The following ELL variants were observed in gnomAD, a reference collection of about 807,000 sequenced individuals.
ELL encodes the protein RNA polymerase II elongation factor ELL.
ELL carries 18 observed loss-of-function variants against 64.0 expected under a neutral mutation model. The ratio of observed to expected loss-of-function variants is 0.28; its 90% CI spans 0.19 to 0.42. The LOEUF is 0.42. ELL is among the 10% of genes least tolerant of loss of function. The pLI, the probability that ELL is intolerant of heterozygous loss-of-function variation, is 1.00. For synonymous variants in ELL, 399 were observed against 376.2 expected (o/e 1.06, Z -0.70); for missense variants, 797 against 870.4 (o/e 0.92, Z 1.06).
intron 3 of ELL, 23 bp from the exon 4 acceptor site, chr19:18,465,598 G>C: frequency 6.4e-7 from 1 of 1,565,192 alleles, no homozygotes; most frequent in Non-Finnish European, 8.7e-7. Flanking sequence ...GCCAGGAGCT[G>C]GGGTCAGCAG....
chr19:18,491,535 T>C (rs1220036460), intron 1 of ELL, among the ~76,000 whole-genome samples: 4 of 152,140 alleles, frequency 2.6e-5, no homozygotes, highest in Admixed American at 1.3e-4. Context: ...CAACATCCAC[T>C]GTAACCTAGG....
intron 1 of ELL, among the ~76,000 whole-genome samples, chr19:18,504,975 T>G (rs1404049064): frequency 1.3e-5 from 2 of 152,172 alleles, no homozygotes; most frequent in Non-Finnish European, 2.9e-5. Flanking sequence ...AGGAAAAAAC[T>G]CTTGCCTTGT....
intron 8 of ELL, among the ~76,000 whole-genome samples, chr19:18,447,741 G>C (rs1032311598): frequency 9.9e-5 from 15 of 152,078 alleles, no homozygotes; most frequent in Admixed American, 9.8e-4. Context: ...CTTTCTTTCC[G>C]ATACAGAAAT....
chr19:18,443,202 G>A lies in ELL; in HGVS notation c.*1550C>T, dbSNP rs541926974. 23 of 232,012 alleles carry A rather than the reference G, an allele frequency of 9.9e-5. No homozygotes were observed. Among genetic ancestry groups the A allele is most frequent in the Non-Finnish European group, 1.5e-4 (18 of 117,180 alleles). The allele number at this position is 232,012 out of a possible 1,614,324, so 14.4% of individuals were successfully genotyped here. A position where few individuals can be genotyped will look rare whatever the true frequency, so the allele number is the denominator to read the frequency against. ...AGCCTGCTCGGCCCTTCCCCGGCCC[G>A]GCCCGGCCCAAAGAGAAAAACAACA... On this transcript the variant is annotated 3_prime_UTR_variant, in exon 12 of 12. Coordinates refer to ENST00000262809, the MANE Select transcript of ELL (RefSeq NM_006532.4).
intron 10 of ELL, 94 bp from the exon 11 acceptor site, chr19:18,445,362 TG>T: frequency 1.6e-6 from 1 of 636,900 alleles, no homozygotes; most frequent in Non-Finnish European, 2.8e-6. Flanking sequence ...GAAGGGGGCA[TG>T]GGAGGGTGGG....
intron 1 of ELL, among the ~76,000 whole-genome samples, chr19:18,506,649 C>T (rs1035631304): frequency 5.3e-5 from 8 of 152,122 alleles, no homozygotes; most frequent in African/African-American, 9.7e-5. Context: ...CACTTGAGCC[C>T]GGGAGCCAAG....
At chr19:18,454,926 G>A (rs1479446520) in intron 6 of ELL, among the ~76,000 whole-genome samples, 1 of 150,650 alleles carries the variant, frequency 6.6e-6, no homozygotes, top group Non-Finnish European at 1.5e-5. Flanking sequence ...AGGCCCTTGA[G>A]GTCAGGAGTT....
chr19:18,445,740 G>A (rs948296367), intron 10 of ELL, among the ~76,000 whole-genome samples: 1 of 152,124 alleles, frequency 6.6e-6, no homozygotes, highest in Non-Finnish European at 1.5e-5. Flanking sequence ...AGTTCCGAAA[G>A]GTGGCAGGTG....
At chr19:18,454,889 C>T (rs1974624825) in intron 6 of ELL, among the ~76,000 whole-genome samples, 1 of 146,928 alleles carries the variant, frequency 6.8e-6, no homozygotes, top group Admixed American at 6.9e-5. Flanking sequence ...TGGCTCACAC[C>T]TGTAAACCCA....
chr19:18,521,766 G>A (rs1215901817), intron 1 of ELL, among the ~76,000 whole-genome samples, 155 bp downstream of exon 1: 1 of 152,036 alleles, frequency 6.6e-6, no homozygotes, highest in African/African-American at 2.4e-5. Flanking sequence ...GCTCCAGGCC[G>A]GACTGGCGCC....
chr19:18,451,634 G>A lies in ELL; in HGVS notation c.884C>T (p.Pro295Leu). 6.7e-7 allele frequency: 1 copy of A among 1,502,364 alleles called. No homozygotes were observed. The allele number at this position is 1,502,364 out of a possible 1,614,324, so 93.1% of individuals were successfully genotyped here. Residue 295 changes from proline to leucine, a missense_variant, in exon 7 of 12, where the codon CCA (proline) becomes CTA (leucine). By Grantham distance (98) the Pro-to-Leu change is moderately conservative. Coordinates refer to ENST00000262809, the MANE Select transcript of ELL (RefSeq NM_006532.4). The stretch of plus-strand genomic sequence containing the variant: ...TCCAAGGAGGCTGCCAGTGCTCTGT[G>A]GCTGGCACAGCTTCCTGCGAAGGAG... ...KRVLVRKLCQ[P>L]QSTGSLLGDP...
intron 1 of ELL, among the ~76,000 whole-genome samples, chr19:18,506,740 CT>C (rs1236096590): frequency 9.9e-5 from 15 of 152,156 alleles, no homozygotes; most frequent in African/African-American, 3.6e-4. Flanking sequence ...CAAAAGCAGA[CT>C]TCCGTTCAAC....
chr19:18,477,445 T>C (rs1975201043), intron 1 of ELL, among the ~76,000 whole-genome samples: 1 of 151,996 alleles, frequency 6.6e-6, no homozygotes, highest in Non-Finnish European at 1.5e-5. Flanking sequence ...GATTCCCAAA[T>C]GTAACAAATG....
Position 18,465,277 on chromosome 19 carries a change from C to G in ELL, c.469+135G>C, listed in dbSNP as rs1004011199. ...GACTCTGGTCCAGGCACGTCCTGCT[C>G]AGGGACCGACTCCTCGGTTGACCCA... is the stretch of plus-strand genomic sequence containing the variant. On this transcript the variant is annotated intron_variant, in intron 4 of 11. Transcript: ENST00000262809. The G allele has an allele frequency of 7.0e-6, 9 of 1,290,858 alleles. No homozygotes were observed. The African/African-American group carries it at 1.4e-4, about 19-fold the overall frequency. The allele number at this position is 1,290,858 out of a possible 1,614,324, so 80.0% of individuals were successfully genotyped here. A position where few individuals can be genotyped will look rare whatever the true frequency, so the allele number is the denominator to read the frequency against.
At chr19:18,471,975 T>G (rs1039230112) in intron 2 of ELL, among the ~76,000 whole-genome samples, 1 of 152,062 alleles carries the variant, frequency 6.6e-6, no homozygotes, top group African/African-American at 2.4e-5. Context: ...TTTCTTTTTT[T>G]TTTTGAGACA....
chr19:18,495,939 G>A (rs1975642299), intron 1 of ELL, among the ~76,000 whole-genome samples: 1 of 152,218 alleles, frequency 6.6e-6, no homozygotes, highest in Non-Finnish European at 1.5e-5. Flanking sequence ...CCCGCCACAT[G>A]GGCCTGAAAG....
intron 10 of ELL, 31 bp from the exon 11 acceptor site, chr19:18,445,299 GA>G: frequency 6.3e-7 from 1 of 1,587,768 alleles, no homozygotes; most frequent in South Asian, 1.1e-5. Flanking sequence ...TGAGAAAACA[GA>G]ATGTGTCCCC....
At chr19:18,519,536 G>C (rs1976207512) in intron 1 of ELL, among the ~76,000 whole-genome samples, 1 of 152,218 alleles carries the variant, frequency 6.6e-6, no homozygotes, top group African/African-American at 2.4e-5. Flanking sequence ...GCTGGGAGCA[G>C]TGGCTCATGC....
At chr19:18,465,327 G>A in intron 4 of ELL, 85 bp downstream of exon 4, 8 of 1,496,206 alleles carry the variant, frequency 5.3e-6, no homozygotes, top group Non-Finnish European at 7.1e-6. Context: ...GGCACAGCCA[G>A]TGCCCAGCCT....
Sources: allele counts gnomAD v4.1 joint callset (sites outside exome capture counted in the v4.1 genomes callset), GRCh38; gene constraint gnomAD v4.1.1; transcripts MANE v1.5; gene names NCBI Gene and HGNC (gene_info 2026-07-23, HGNC 2026-07-21).